The following FAM149A variants were observed in gnomAD, a reference collection of about 807,000 sequenced individuals.
FAM149A encodes the protein family with sequence similarity 149 member A.
In FAM149A, 71 loss-of-function variants were observed where a neutral mutation model predicts 78.2. That is an observed-to-expected ratio of 0.91 (90% CI 0.75 to 1.11). The LOEUF is 1.11. Ranked by LOEUF, FAM149A falls within the 50% of genes least tolerant of loss-of-function variation. The pLI is 0.00. For missense variants in FAM149A, 1,036 were observed against 971.0 expected (o/e 1.07, Z -0.89); for synonymous variants, 446 against 410.5 (o/e 1.09, Z -1.04).
chr4:186,108,190 C>A (rs2099309566), intron 1 of FAM149A, among the ~76,000 whole-genome samples: 1 of 151,872 alleles, frequency 6.6e-6, no homozygotes, highest in African/African-American at 2.4e-5. Context: ...ATTTCAAAAG[C>A]CTGGAAACTT....
chr4:186,132,615 T>C (rs1350439533), intron 1 of FAM149A, among the ~76,000 whole-genome samples: 1 of 152,222 alleles, frequency 6.6e-6, no homozygotes, highest in East Asian at 1.9e-4. Flanking sequence ...CTGGAGGGGA[T>C]AGGAGGGTAT....
Position 186,171,951 on chromosome 4 carries a change from T to C in FAM149A, c.2256T>C (p.Thr752=). ...TGCCTAAATCTTTTCAGAGGACAAC[T>C]TTGACTTTCAAGAGGAGATTCCAAG... Residue 752 remains threonine (T), a synonymous_variant, in exon 14 of 14, where the codon ACT becomes ACC. Transcript: ENST00000389354. 3 of 1,612,770 alleles carry C rather than the reference T, an allele frequency of 1.9e-6. No homozygotes were observed. The highest frequency in any genetic ancestry group is 2.5e-6 in the Non-Finnish European group (3 of 1,179,428).
rs1196599064 is a variant in FAM149A at position 186,172,275 on chromosome 4, C to T, written c.*288C>T. 1 of 313,044 alleles carries T rather than the reference C, an allele frequency of 3.2e-6. No individual in the cohort carries two copies. Among genetic ancestry groups the T allele is most frequent in the African/African-American group, 2.2e-5 (1 of 46,304 alleles). 19.4% of individuals were successfully genotyped at this position (313,044 alleles called of 1,614,324 possible). ...AGTCCGTCATTTTATCAATGATACGCAAACATAATTAGCATGTGTATGTAC... is the reference window on the plus strand; with the variant it reads ...AGTCCGTCATTTTATCAATGATACGTAAACATAATTAGCATGTGTATGTAC... On this transcript the variant is annotated 3_prime_UTR_variant, in exon 14 of 14. Coordinates refer to ENST00000389354, the MANE Select transcript of FAM149A (RefSeq NM_001367768.3).
chr4:186,124,371 T>C (rs1177513454), intron 1 of FAM149A: 32 of 313,716 alleles, frequency 1.0e-4, no homozygotes, highest in Admixed American at 8.4e-4. Flanking sequence ...CATTAACTCG[T>C]CATTTACATT....
intron 1 of FAM149A, among the ~76,000 whole-genome samples, chr4:186,121,685 C>T (rs775338806): frequency 2.0e-5 from 3 of 152,164 alleles, no homozygotes; most frequent in Non-Finnish European, 4.4e-5. Flanking sequence ...CCGCTGCACA[C>T]GTTGACCCCA....
intron 1 of FAM149A, chr4:186,146,285 G>A (rs1460767542): frequency 6.2e-6 from 1 of 162,186 alleles, no homozygotes; most frequent in East Asian, 1.9e-4. Context: ...GGTCAGAGAG[G>A]AAAAAAGAGG....
At position 186,163,462 on chromosome 4, in the gene FAM149A, G is replaced by A. The variant is rs1188668729; in HGVS notation, c.1718G>A (p.Gly573Asp). The change falls in exon 10 of 14, where the codon GGT (glycine) becomes GAT (aspartate). Residue 573 changes from glycine to aspartate, a missense_variant. This residue lies in a region of FAM149A where 716 missense variants were observed against 711.8 expected (regional missense o/e 1.01). Coordinates refer to ENST00000389354, the MANE Select transcript of FAM149A (RefSeq NM_001367768.3). ...GACAAAGCATCGGGTGGAGGGGCAG[G>A]TGCTCTCTCCTCCGCACCGCACAGA... The A allele has an allele frequency of 1.2e-6, 2 of 1,613,836 alleles. No homozygotes were observed. The highest frequency in any genetic ancestry group is 1.7e-6 in the Non-Finnish European group (2 of 1,180,034).
chr4:186,158,073 CTG>C, intron 8 of FAM149A: 1 of 1,362,398 alleles, frequency 7.3e-7, no homozygotes, highest in Non-Finnish European at 9.7e-7. Context: ...GGAGAAGCTG[CTG>C]CTGGCAGCTC....
chr4:186,160,410 C>A, intron 8 of FAM149A, among the ~76,000 whole-genome samples: 1 of 144,186 alleles, frequency 6.9e-6, no homozygotes. Context: ...TGCACACACC[C>A]CCCACATAAA....
chr4:186,153,119 G>A (rs1478127794), intron 4 of FAM149A: 1 of 225,168 alleles, frequency 4.4e-6, no homozygotes, highest in Non-Finnish European at 7.4e-6. Flanking sequence ...CTTTTCTGGG[G>A]ATGATCACTC....
At chr4:186,135,060 G>A (rs779327163) in intron 1 of FAM149A, among the ~76,000 whole-genome samples, 35 of 152,166 alleles carry the variant, frequency 2.3e-4, no homozygotes, top group East Asian at 9.6e-4. Flanking sequence ...ATCCACATTC[G>A]CACTGCAGAC....
At chr4:186,106,878 AGGCGGAGC>A (rs1348779112) in intron 1 of FAM149A, among the ~76,000 whole-genome samples, 1 of 152,150 alleles carries the variant, frequency 6.6e-6, no homozygotes, top group East Asian at 1.9e-4. Flanking sequence ...TGAACCCGGG[AGGCGGAGC>A]TTGCAGTGAG....
intron 1 of FAM149A, among the ~76,000 whole-genome samples, chr4:186,147,618 T>G (rs1218289152): frequency 6.6e-6 from 1 of 152,262 alleles, no homozygotes; most frequent in Admixed American, 6.5e-5. Context: ...TGCTGAGTTT[T>G]AAAATTATTT....
At chr4:186,105,700 G>A (rs915043458) in intron 1 of FAM149A, 58 bp downstream of exon 1, 5 of 1,013,080 alleles carry the variant, frequency 4.9e-6, no homozygotes, top group Non-Finnish European at 4.8e-6. Context: ...CGACCCCTCC[G>A]CCTGCCGCAC....
At chr4:186,139,733 ATCTAGGCACTGGAGGTGC>A (rs1157917250) in intron 1 of FAM149A, among the ~76,000 whole-genome samples, 1 of 152,232 alleles carries the variant, frequency 6.6e-6, no homozygotes, top group Non-Finnish European at 1.5e-5. Flanking sequence ...AGGAACTAAG[ATCTAGGCACTGGAGGTGC>A]TCATTGCTAC....
chr4:186,155,093 G>C (rs560284279), intron 6 of FAM149A: 8 of 230,542 alleles, frequency 3.5e-5, no homozygotes, highest in African/African-American at 1.9e-4. Context: ...CTCCCGAGTA[G>C]CTGGAACTGC....
Position 186,167,058 on chromosome 4 carries a change from G to C in FAM149A, c.2101G>C (p.Glu701Gln). The change falls in exon 12 of 14, where the codon GAA becomes CAA. Residue 701 changes from glutamate to glutamine, a missense_variant. Transcript: ENST00000389354. ...TCTTCGAGAAAGAACAGCCACCCTGGAACGGTTGTCAAGGCCCAGCACAAC... is the reference window on the plus strand; with the variant it reads ...TCTTCGAGAAAGAACAGCCACCCTGCAACGGTTGTCAAGGCCCAGCACAAC... The C allele has an allele frequency of 6.2e-7, 1 of 1,614,154 alleles. No homozygotes were observed. The highest frequency in any genetic ancestry group is 8.5e-7 in the Non-Finnish European group (1 of 1,180,036).
rs1735088357 is a variant in FAM149A at position 186,166,963 on chromosome 4, T to G, written c.2011-5T>G. ...TTAAACAAGAACATACTATCCTTCATTTAGTACAGAGGAAGGCATCTACAA... is the reference window on the plus strand; with the variant it reads ...TTAAACAAGAACATACTATCCTTCAGTTAGTACAGAGGAAGGCATCTACAA... On this transcript the variant is annotated splice_region_variant and splice_polypyrimidine_tract_variant and intron_variant, in intron 11 of 13. Transcript: ENST00000389354. The G allele has an allele frequency of 6.2e-7, 1 of 1,612,210 alleles. No individual in the cohort carries two copies. The highest frequency in any genetic ancestry group is 1.3e-5 in the African/African-American group (1 of 74,852).
At position 186,154,456 on chromosome 4, in the gene FAM149A, T is replaced by A. The variant is rs748670953; in HGVS notation, c.1059-12T>A. ...TATAAACTCCCATGTAGAATCTGTT[T>A]TTTTCCCATAGGTTGTGCATTTCTG... is the stretch of plus-strand genomic sequence containing the variant. On this transcript the variant is annotated splice_polypyrimidine_tract_variant and intron_variant, in intron 5 of 13. Coordinates refer to ENST00000389354, the MANE Select transcript of FAM149A (RefSeq NM_001367768.3). 50 of 1,597,594 alleles carry A rather than the reference T, an allele frequency of 3.1e-5. No individual in the cohort carries two copies. Among genetic ancestry groups the A allele is most frequent in the Non-Finnish European group, 4.3e-5 (50 of 1,170,772 alleles).
Sources: allele counts gnomAD v4.1 joint callset (sites outside exome capture counted in the v4.1 genomes callset), GRCh38; gene constraint gnomAD v4.1.1; regional missense constraint gnomAD v4.1.1; transcripts MANE v1.5; gene names NCBI Gene and HGNC (gene_info 2026-07-23, HGNC 2026-07-21).